Variants in ZNF675 observed in about 807,000 individuals in gnomAD.
The protein encoded by ZNF675 is TRAF6 inhibitory zinc finger.
A neutral mutation model predicts 56.1 loss-of-function variants in ZNF675; 36 were observed. That is an observed-to-expected ratio of 0.64 (90% confidence interval 0.49 to 0.85). ZNF675 has a LOEUF of 0.85. ZNF675 is among the 40% of genes least tolerant of loss of function. The pLI is 0.00. For missense variants in ZNF675, 663 were observed against 654.2 expected, an observed-to-expected ratio of 1.01 and a Z score of -0.15; for synonymous variants, 200 against 218.9, an observed-to-expected ratio of 0.91 and a Z score of 0.76.
At chr19:23,662,698 G>A (rs1968095571) in intron 2 of ZNF675, among the ~76,000 whole-genome samples, 1 of 152,156 alleles carries the variant, frequency 6.6e-6, no homozygotes, top group African/African-American at 2.4e-5. Context: ...CTGTCTGTTG[G>A]GACAGGCATG....
intron 3 of ZNF675, 30 bp downstream of exon 3, chr19:23,662,084 C>A (rs1481598242): frequency 2.0e-6 from 3 of 1,506,132 alleles, no homozygotes; most frequent in Admixed American, 3.3e-5. Context: ...ATCAGTGTCA[C>A]CTGTTGTATT....
chr19:23,677,472 AAG>A (rs1305475165), intron 1 of ZNF675, among the ~76,000 whole-genome samples: 1 of 149,378 alleles, frequency 6.7e-6, no homozygotes, highest in Admixed American at 6.6e-5. Flanking sequence ...TTGGGAGGCC[AAG>A]AGGGGCAGAT....
chr19:23,658,907 A>ATC (rs1968035121), intron 3 of ZNF675, among the ~76,000 whole-genome samples: 2 of 3,590 alleles, frequency 5.6e-4, no homozygotes, highest in East Asian at 0.01. Flanking sequence ...AGATATCTAT[A>ATC]GATAGATATA....
At position 23,654,636 on chromosome 19, in the gene ZNF675, T is replaced by G. The variant is rs1421327151; in HGVS notation, c.297A>C (p.Thr99=). 1 of 1,601,240 alleles carries G rather than the reference T, an allele frequency of 6.2e-7. No homozygotes were observed. The highest frequency in any genetic ancestry group is 8.5e-7 in the Non-Finnish European group (1 of 1,175,602). ...TTCCACATTTTTCATATCTTCTCAG[T>G]GTCACTTTTTCAAAAGAATCTTTTA... ...QNIKDSFEKV[T]LRRYEKCGND... The change falls in exon 4 of 4, where the codon ACA becomes ACC. Residue 99 remains threonine (T), a synonymous_variant. Coordinates refer to ENST00000359788, the MANE Select transcript of ZNF675 (RefSeq NM_138330.3).
intron 1 of ZNF675, among the ~76,000 whole-genome samples, chr19:23,665,832 T>A (rs965412438): frequency 6.6e-6 from 1 of 152,176 alleles, no homozygotes; most frequent in East Asian, 1.9e-4. Context: ...TAATGTTCCC[T>A]ATCAATTGCT....
Position 23,687,162 on chromosome 19 carries a change from G to A in ZNF675, c.-129C>T, listed in dbSNP as rs572582274. ...CAATGAAAGCGAGACCTGGAGCTCC[G>A]GCTGCAGCGAGAGACAAAGGCGCCG... On this transcript the variant is annotated 5_prime_UTR_variant, in exon 1 of 4. Coordinates refer to ENST00000359788, the MANE Select transcript of ZNF675 (RefSeq NM_138330.3). 2 of 1,172,308 alleles carry A rather than the reference G, an allele frequency of 1.7e-6. No homozygotes were observed. The highest frequency in any genetic ancestry group is 1.5e-5 in the African/African-American group (1 of 64,864). The allele number at this position is 1,172,308 out of a possible 1,614,324, so 72.6% of individuals were successfully genotyped here.
intron 1 of ZNF675, among the ~76,000 whole-genome samples, chr19:23,669,622 C>G (rs1288363925): frequency 6.6e-6 from 1 of 151,968 alleles, no homozygotes; most frequent in Non-Finnish European, 1.5e-5. Context: ...GCCTGTAATC[C>G]CAGCACTTTG....
chr19:23,686,880 C>T (rs1968449718), intron 1 of ZNF675, 151 bp downstream of exon 1: 10 of 929,762 alleles, frequency 1.1e-5, no homozygotes, highest in Non-Finnish European at 1.5e-5. Flanking sequence ...CATCTTATGG[C>T]TGCAGGGGAC....
chr19:23,680,691 T>C (rs1036329616), intron 1 of ZNF675, among the ~76,000 whole-genome samples: 2 of 151,424 alleles, frequency 1.3e-5, no homozygotes, highest in African/African-American at 4.9e-5. Context: ...GAGATGGAGG[T>C]GGCAGTTAGC....
chr19:23,670,480 A>G (rs1968214592), intron 1 of ZNF675, among the ~76,000 whole-genome samples: 1 of 7,932 alleles, frequency 1.3e-4, no homozygotes, highest in Non-Finnish European at 9.8e-3. Flanking sequence ...TAGATATTAT[A>G]GATAACCTTT....
At chr19:23,668,946 G>A (rs1389245109) in intron 1 of ZNF675, among the ~76,000 whole-genome samples, 1 of 152,290 alleles carries the variant, frequency 6.6e-6, no homozygotes, top group East Asian at 1.9e-4. Context: ...AGTCGGCTCC[G>A]GCCTTGGCCA....
At chr19:23,666,933 C>T (rs1311866927) in intron 1 of ZNF675, among the ~76,000 whole-genome samples, 1 of 152,094 alleles carries the variant, frequency 6.6e-6, no homozygotes, top group Non-Finnish European at 1.5e-5. Flanking sequence ...TTTCTGAGTC[C>T]TATTGTTTTT....
intron 1 of ZNF675, among the ~76,000 whole-genome samples, chr19:23,663,812 T>C (rs184750807): frequency 1.3e-5 from 2 of 152,346 alleles, no homozygotes; most frequent in East Asian, 1.9e-4. Flanking sequence ...GTTTAAATAA[T>C]AGCTAATTGA....
In ZNF675 at chr19:23,652,851, G is replaced by A. The variant is rs1257024220; in HGVS notation, c.*375C>T. 4 of 163,896 alleles carry A rather than the reference G, an allele frequency of 2.4e-5. No homozygotes were observed. The highest frequency in any genetic ancestry group is 5.8e-5 in the Admixed American group (1 of 17,158). 10.2% of individuals were successfully genotyped at this position (163,896 alleles called of 1,614,324 possible). A position where few individuals can be genotyped will look rare whatever the true frequency, so the allele number is the denominator to read the frequency against. On this transcript the variant is annotated 3_prime_UTR_variant, in exon 4 of 4. Transcript: ENST00000359788. The stretch of plus-strand genomic sequence containing the variant: ...TGTTTGTAATCTTTGTCTTCAAAAC[G>A]AATACTCTTCTTCACTTTAAAGGCT...
chr19:23,667,270 C>T lies in ZNF675; in HGVS notation c.4-4112G>A, dbSNP rs1294047565. On this transcript the variant is annotated intron_variant, in intron 1 of 3. Coordinates refer to ENST00000359788, the MANE Select transcript of ZNF675 (RefSeq NM_138330.3). The stretch of plus-strand genomic sequence containing the variant: ...CAGATCTTCATGGTGAGTGTTACAG[C>T]TCATAAAAGCAGTGTGGACCCAAAG... 3.3e-5 allele frequency among the ~76,000 whole-genome samples: 5 copies of T among 152,156 alleles called. No individual in the cohort carries two copies. The East Asian group carries it at 9.7e-4, about 29-fold the overall frequency.
chr19:23,670,325 A>G (rs1968212489), intron 1 of ZNF675, among the ~76,000 whole-genome samples: 2 of 152,130 alleles, frequency 1.3e-5, no homozygotes, highest in African/African-American at 4.8e-5. Flanking sequence ...TTATGACGCT[A>G]TCCTGCAATC....
Position 23,653,548 on chromosome 19 carries a change from A to G in ZNF675, c.1385T>C (p.Ile462Thr). The G allele has an allele frequency of 7.5e-6, 12 of 1,604,682 alleles. No individual in the cohort carries two copies. The highest frequency in any genetic ancestry group is 1.0e-5 in the Non-Finnish European group (12 of 1,177,162). The stretch of plus-strand genomic sequence containing the variant: ...ATGTTCAGTAAGTTTTGAGGATTGG[A>G]TAAAAGCTTTGCCACATTCTTCACA... The part of the protein sequence containing the change: ...YKCEECGKAF[I>T]QSSKLTEHKK... The change falls in exon 4 of 4, where the codon ATC (isoleucine) becomes ACC (threonine). Residue 462 changes from isoleucine (I) to threonine (T), a missense_variant. Transcript: ENST00000359788.
chr19:23,654,815 C>A, intron 3 of ZNF675, 109 bp from the exon 4 acceptor site: 3 of 883,550 alleles, frequency 3.4e-6, no homozygotes, highest in African/African-American at 1.7e-5. Flanking sequence ...CACCACAGGC[C>A]ATAATTAAGT....
chr19:23,685,916 G>A (rs558858340), intron 1 of ZNF675, among the ~76,000 whole-genome samples: 1 of 152,240 alleles, frequency 6.6e-6, no homozygotes, highest in East Asian at 1.9e-4. Context: ...AGTCTCCTGT[G>A]GAGTGTGAAA....
Sources: gnomAD v4.1 joint callset for allele counts (sites outside exome capture counted in the v4.1 genomes callset) on GRCh38, gnomAD v4.1.1 for gene constraint, MANE v1.5 for transcripts, NCBI Gene and HGNC (gene_info 2026-07-23, HGNC 2026-07-21) for gene names.